The following MAGI2 variants were observed in gnomAD, a reference collection of about 807,000 sequenced individuals.
MAGI2 encodes membrane-associated guanylate kinase, WW and PDZ domain-containing protein 2.
Under a neutral mutation model 133.3 loss-of-function variants are expected in MAGI2, and 35 were observed. The ratio of observed to expected loss-of-function variants is 0.26; its 90% CI spans 0.20 to 0.35. MAGI2 has a LOEUF of 0.35. MAGI2 is among the 10% of genes least tolerant of loss of function. The probability of loss-of-function intolerance (pLI) is 1.00; values close to 1 mark genes in which losing one functional copy is unlikely to be tolerated. For synonymous variants in MAGI2, 729 were observed against 710.6 expected, an observed-to-expected ratio of 1.03 and a Z score of -0.41; for missense variants, 1,636 against 1,863.4, an observed-to-expected ratio of 0.88 and a Z score of 2.25.
chr7:79,212,718 T>C (rs1245811076), intron 1 of MAGI2, among the ~76,000 whole-genome samples: 1 of 152,086 alleles, frequency 6.6e-6, no homozygotes, highest in East Asian at 1.9e-4. Flanking sequence ...TCTCAACTAA[T>C]TGCAGGAAAT....
chr7:78,311,529 T>C (rs1317605089), intron 9 of MAGI2, among the ~76,000 whole-genome samples: 2 of 152,184 alleles, frequency 1.3e-5, no homozygotes, highest in African/African-American at 4.8e-5. Flanking sequence ...TAATTTTTCA[T>C]GGCATTTTCC....
intron 2 of MAGI2, among the ~76,000 whole-genome samples, chr7:78,963,449 G>A (rs144082609): frequency 1.5e-3 from 229 of 152,122 alleles, no homozygotes; most frequent in African/African-American, 5.2e-3. Flanking sequence ...TAGAAAATGC[G>A]TGAGATCTGA....
chr7:79,122,390 C>T (rs17151993), intron 1 of MAGI2, among the ~76,000 whole-genome samples: 27,806 of 151,950 alleles, frequency 0.18, 3,239 homozygotes, highest in East Asian at 0.25. Context: ...AAAACTGTCT[C>T]GGGAAACACT....
chr7:79,123,651 T>C (rs1012743746), intron 1 of MAGI2, among the ~76,000 whole-genome samples: 2 of 151,820 alleles, frequency 1.3e-5, no homozygotes, highest in African/African-American at 2.4e-5. Flanking sequence ...CCAGGCGTGG[T>C]GGGGTGTGCC....
At chr7:78,536,103 CTTTTTTTTT>C (rs544655465) in intron 3 of MAGI2, among the ~76,000 whole-genome samples, 26 of 59,936 alleles carry the variant, frequency 4.3e-4, no homozygotes, top group East Asian at 1.0e-3. Flanking sequence ...ATGAATTAAA[CTTTTTTTTT>C]TTTTTTTTTT....
chr7:78,672,279 CTCTTGCTCCCTCTCTT>C (rs1397533220), intron 2 of MAGI2, among the ~76,000 whole-genome samples: 1 of 152,114 alleles, frequency 6.6e-6, no homozygotes, highest in Non-Finnish European at 1.5e-5. Flanking sequence ...CCCCCTCTCT[CTCTTGCTCCCTCTCTT>C]GCCATAAGAC....
intron 1 of MAGI2, among the ~76,000 whole-genome samples, chr7:79,037,302 T>C (rs573320277): frequency 4.1e-4 from 62 of 152,238 alleles, no homozygotes; most frequent in Non-Finnish European, 7.6e-4. Flanking sequence ...CAGGGGCCCT[T>C]ATGACCATAA....
chr7:78,722,488 T>C (rs1174401913), intron 2 of MAGI2, among the ~76,000 whole-genome samples: 6 of 152,052 alleles, frequency 3.9e-5, no homozygotes, highest in African/African-American at 1.4e-4. Flanking sequence ...TGTTACAAAA[T>C]GAATTTCTAC....
chr7:79,196,663 T>A (rs1466111692), intron 1 of MAGI2, among the ~76,000 whole-genome samples: 1 of 152,020 alleles, frequency 6.6e-6, no homozygotes, highest in East Asian at 1.9e-4. Context: ...TCCTTTCTTA[T>A]AAAGCTTTTG....
chr7:78,555,068 G>A (rs1799668865), intron 3 of MAGI2, among the ~76,000 whole-genome samples: 1 of 151,896 alleles, frequency 6.6e-6, no homozygotes, highest in Admixed American at 6.6e-5. Flanking sequence ...GAGTCCAGGA[G>A]GTTGAGGCTG....
chr7:78,292,255 C>G (rs984516464), intron 9 of MAGI2, among the ~76,000 whole-genome samples: 17 of 152,064 alleles, frequency 1.1e-4, no homozygotes, highest in Non-Finnish European at 2.2e-4. Flanking sequence ...CAAAATCAAT[C>G]TGCAAAAATC....
chr7:78,673,098 G>A (rs1004037426), intron 2 of MAGI2, among the ~76,000 whole-genome samples: 1 of 151,918 alleles, frequency 6.6e-6, no homozygotes, highest in African/African-American at 2.4e-5. Context: ...GATCACCATC[G>A]ATTACATAGA....
intron 2 of MAGI2, among the ~76,000 whole-genome samples, chr7:78,651,814 T>G (rs1446045703): frequency 2.0e-5 from 3 of 152,058 alleles, no homozygotes; most frequent in Admixed American, 6.6e-5. Flanking sequence ...AATTTTGATG[T>G]GGAACATATC....
In MAGI2 at chr7:79,043,177, C is replaced by A. The variant is rs1023373419; in HGVS notation, c.302-35971G>T. On this transcript the variant is annotated intron_variant, in intron 1 of 21. Coordinates refer to ENST00000354212, the MANE Select transcript of MAGI2 (RefSeq NM_012301.4). ...CTAACATCGCATCTAGAGGAACTAGCACAACAAGAGCAAGCCAACCCCAAA... is the reference window on the plus strand; with the variant it reads ...CTAACATCGCATCTAGAGGAACTAGAACAACAAGAGCAAGCCAACCCCAAA... 5.9e-5 allele frequency among the ~76,000 whole-genome samples: 9 copies of A among 151,748 alleles called. No individual in the cohort carries two copies. The East Asian group carries it at 1.8e-3, about 30-fold the overall frequency.
chr7:78,592,635 G>A (rs1804134289), intron 3 of MAGI2, among the ~76,000 whole-genome samples: 1 of 152,046 alleles, frequency 6.6e-6, no homozygotes, highest in Non-Finnish European at 1.5e-5. Flanking sequence ...AACTCACACA[G>A]GAAATATAAT....
chr7:79,420,419 G>A (rs563527695), intron 1 of MAGI2, among the ~76,000 whole-genome samples: 5 of 151,744 alleles, frequency 3.3e-5, no homozygotes, highest in African/African-American at 4.8e-5. Context: ...ATACAACCCC[G>A]CAGGAGTTCT....
intron 1 of MAGI2, among the ~76,000 whole-genome samples, chr7:79,206,559 A>T (rs910012397): frequency 6.6e-6 from 1 of 151,988 alleles, no homozygotes; most frequent in Admixed American, 6.6e-5. Flanking sequence ...ATGAGTAAGG[A>T]TATTAAATGA....
intron 2 of MAGI2, among the ~76,000 whole-genome samples, chr7:78,928,783 A>T (rs573976842): frequency 2.0e-5 from 3 of 152,212 alleles, no homozygotes; most frequent in Admixed American, 2.0e-4. Flanking sequence ...AGCAATGGTC[A>T]TTATTTATAT....
intron 16 of MAGI2, among the ~76,000 whole-genome samples, chr7:78,157,101 A>G (rs1203933251): frequency 1.3e-5 from 2 of 152,222 alleles, no homozygotes; most frequent in African/African-American, 4.8e-5. Context: ...AAATTATCAC[A>G]GATGTTAAGT....
Sources: allele counts gnomAD v4.1 joint callset (sites outside exome capture counted in the v4.1 genomes callset), GRCh38; gene constraint gnomAD v4.1.1; transcripts MANE v1.5; gene names NCBI Gene and HGNC (gene_info 2026-07-23, HGNC 2026-07-21).